The following SATB2 variants were observed in gnomAD, a reference collection of about 807,000 sequenced individuals.
SATB2 encodes DNA-binding protein SATB2.
SATB2 carries 1 observed loss-of-function variant against 73.4 expected under a neutral mutation model. The ratio of observed to expected loss-of-function variants is 0.01; its 90% CI spans 0.00 to 0.06. The LOEUF (loss-of-function observed/expected upper bound fraction) is 0.06. Ranked by LOEUF, SATB2 falls within the 10% of genes least tolerant of loss-of-function variation. The pLI is 1.00. For synonymous variants in SATB2, 397 were observed against 367.0 expected (o/e 1.08, Z -0.93); for missense variants, 459 against 945.8 (o/e 0.49, Z 6.75).
intron 6 of SATB2, among the ~76,000 whole-genome samples, chr2:199,349,650 T>C (rs1195412293): frequency 6.6e-6 from 1 of 152,238 alleles, no homozygotes; most frequent in Admixed American, 6.5e-5. Context: ...TATACAGCTA[T>C]GGAAATGTTC....
chr2:199,449,076 T>C (rs936473014), intron 2 of SATB2, among the ~76,000 whole-genome samples: 6 of 152,214 alleles, frequency 3.9e-5, no homozygotes, highest in Admixed American at 3.9e-4. Flanking sequence ...TTTCTATTCA[T>C]GCTTTTATCT....
At chr2:199,335,980 T>C (rs764396105) in intron 7 of SATB2, among the ~76,000 whole-genome samples, 1 of 152,172 alleles carries the variant, frequency 6.6e-6, no homozygotes, top group Non-Finnish European at 1.5e-5. Flanking sequence ...AAACAGTCTG[T>C]GTTCCCTTAA....
At chr2:199,313,163 G>T (rs1004594867) in intron 9 of SATB2, among the ~76,000 whole-genome samples, 1 of 152,124 alleles carries the variant, frequency 6.6e-6, no homozygotes, top group Non-Finnish European at 1.5e-5. Flanking sequence ...GATATAAGGT[G>T]TCAACATTAG....
intron 6 of SATB2, among the ~76,000 whole-genome samples, chr2:199,356,866 T>C (rs1347179794): frequency 1.3e-5 from 2 of 152,188 alleles, no homozygotes; most frequent in African/African-American, 2.4e-5. Flanking sequence ...ATTTATATAG[T>C]AGCTGAAGCA....
intron 3 of SATB2, among the ~76,000 whole-genome samples, chr2:199,399,459 T>C (rs1690404225): frequency 6.6e-6 from 1 of 152,216 alleles, no homozygotes; most frequent in Non-Finnish European, 1.5e-5. Flanking sequence ...TCTTGCTGCA[T>C]GCCAGACCCT....
chr2:199,293,170 A>C (rs1692922758), intron 10 of SATB2, among the ~76,000 whole-genome samples: 1 of 152,182 alleles, frequency 6.6e-6, no homozygotes, highest in African/African-American at 2.4e-5. Context: ...TTCTAGGTTC[A>C]TGCAGCCAGA....
intron 6 of SATB2, among the ~76,000 whole-genome samples, chr2:199,367,386 G>T (rs1689316579): frequency 6.6e-6 from 1 of 152,002 alleles, no homozygotes; most frequent in Admixed American, 6.6e-5. Flanking sequence ...TCAATATTTT[G>T]GCTTGCCTTA....
upstream of SATB2, chr2:199,468,022 A>G (rs1291663634): frequency 6.9e-6 from 1 of 144,462 alleles, no homozygotes; most frequent in East Asian, 2.1e-4. Flanking sequence ...TCCACGCCCC[A>G]CTCTTTTTTC....
intron 10 of SATB2, among the ~76,000 whole-genome samples, chr2:199,297,331 A>C (rs1687140350): frequency 6.6e-6 from 1 of 152,172 alleles, no homozygotes; most frequent in African/African-American, 2.4e-5. Context: ...TTCTACAATG[A>C]CACTAGTGTA....
intron 7 of SATB2, among the ~76,000 whole-genome samples, chr2:199,342,116 G>A (rs1036087166): frequency 1.6e-4 from 24 of 152,076 alleles, no homozygotes; most frequent in Admixed American, 6.6e-4. Flanking sequence ...AGATGTTAAC[G>A]GAAAAGCCTA....
At chr2:199,295,784 T>G (rs1018947267) in intron 10 of SATB2, among the ~76,000 whole-genome samples, 2 of 152,196 alleles carry the variant, frequency 1.3e-5, no homozygotes, top group African/African-American at 4.8e-5. Flanking sequence ...TTATATGATT[T>G]GCAGTGAATT....
chr2:199,301,461 C>T (rs1444383957), intron 10 of SATB2, among the ~76,000 whole-genome samples: 1 of 152,140 alleles, frequency 6.6e-6, no homozygotes, highest in African/African-American at 2.4e-5. Flanking sequence ...GGCCAGGTGG[C>T]TTTCTATTTC....
chr2:199,354,712 G>A (rs575810261), intron 6 of SATB2, among the ~76,000 whole-genome samples: 4 of 152,286 alleles, frequency 2.6e-5, no homozygotes, highest in African/African-American at 9.6e-5. Flanking sequence ...AGTTCTAAGA[G>A]GATCTTGCAG....
chr2:199,460,771 C>T (rs768775058), upstream of SATB2, among the ~76,000 whole-genome samples: 15 of 152,258 alleles, frequency 9.9e-5, no homozygotes, highest in Admixed American at 2.6e-4. The surrounding 1 kb of genome is among the most constrained non-coding windows in gnomAD (Gnocchi z 4.0). Flanking sequence ...ATAAACAACA[C>T]GGCTGTATTG....
chr2:199,329,150 T>A lies in SATB2; in HGVS notation c.1174-240A>T, dbSNP rs1688117612. The A allele has an allele frequency of 5.7e-6, 3 of 526,068 alleles. No individual in the cohort carries two copies. In the Admixed American group the frequency reaches 9.1e-5, roughly 16 times the overall value. 32.6% of individuals were successfully genotyped at this position (526,068 alleles called of 1,614,324 possible). A position where few individuals can be genotyped will look rare whatever the true frequency, so the allele number is the denominator to read the frequency against. On this transcript the variant is annotated intron_variant, in intron 7 of 10. Transcript: ENST00000417098. Reference sequence around the variant, plus strand: ...TTATCATCACTGTAATAATCATCAGTGTACAGACATGCCAGCTAGCAAGGT... The same window carrying A: ...TTATCATCACTGTAATAATCATCAGAGTACAGACATGCCAGCTAGCAAGGT...
intron 10 of SATB2, among the ~76,000 whole-genome samples, chr2:199,280,289 G>A (rs1205507504): frequency 3.3e-5 from 5 of 152,092 alleles, no homozygotes; most frequent in Admixed American, 6.5e-5. Flanking sequence ...CATCATCTTC[G>A]TAAGCTGAGG....
intron 3 of SATB2, chr2:199,396,896 C>G (rs1238792997): frequency 6.6e-6 from 1 of 152,092 alleles, no homozygotes; most frequent in East Asian, 1.9e-4. Flanking sequence ...GTTTTTGAAG[C>G]AGAGCATAAA....
At chr2:199,299,086 A>C (rs1393267307) in intron 10 of SATB2, among the ~76,000 whole-genome samples, 1 of 152,186 alleles carries the variant, frequency 6.6e-6, no homozygotes, top group African/African-American at 2.4e-5. Flanking sequence ...ATACCTCAGT[A>C]CCAAGTAAAT....
intron 6 of SATB2, among the ~76,000 whole-genome samples, chr2:199,364,764 C>T (rs925995217): frequency 6.6e-6 from 1 of 152,054 alleles, no homozygotes; most frequent in Admixed American, 6.6e-5. Flanking sequence ...GCTTATTTTG[C>T]TTTTGGTACC....
Sources: gnomAD v4.1 joint callset for allele counts (sites outside exome capture counted in the v4.1 genomes callset) on GRCh38, gnomAD v4.1.1 for gene constraint, Gnocchi (gnomAD v3.1) non-coding constraint, MANE v1.5 for transcripts, NCBI Gene and HGNC (gene_info 2026-07-23, HGNC 2026-07-21) for gene names.